The following VEPH1 variants were observed in gnomAD, a reference collection of about 807,000 sequenced individuals.
VEPH1 encodes the protein ventricular zone-expressed PH domain-containing protein homolog 1.
A neutral mutation model predicts 85.2 loss-of-function variants in VEPH1; 80 were observed. The ratio of observed to expected loss-of-function variants is 0.94; its 90% CI spans 0.78 to 1.13. The LOEUF (loss-of-function observed/expected upper bound fraction) is 1.13, where lower values mean the gene tolerates loss of function less well. Ranked by LOEUF, VEPH1 falls within the 50% of genes most tolerant of loss-of-function variation. The probability of loss-of-function intolerance (pLI) is 0.00; values close to 1 mark genes in which losing one functional copy is unlikely to be tolerated. For synonymous variants in VEPH1, 297 were observed against 348.0 expected (o/e 0.85, Z 1.63); for missense variants, 955 against 980.5 (o/e 0.97, Z 0.35).
At chr3:157,320,417 G>A (rs1365535667) in intron 9 of VEPH1, among the ~76,000 whole-genome samples, 1 of 152,152 alleles carries the variant, frequency 6.6e-6, no homozygotes, top group Non-Finnish European at 1.5e-5. Flanking sequence ...AGCACTTTAG[G>A]TGTAGAGAAC....
chr3:157,277,102 G>A (rs1715498221), intron 12 of VEPH1, among the ~76,000 whole-genome samples: 1 of 152,154 alleles, frequency 6.6e-6, no homozygotes, highest in African/African-American at 2.4e-5. Flanking sequence ...TATTGCTTAA[G>A]CTGATCTCCA....
intron 9 of VEPH1, among the ~76,000 whole-genome samples, chr3:157,327,507 G>C (rs1199046918): frequency 1.3e-5 from 2 of 152,110 alleles, no homozygotes; most frequent in African/African-American, 4.8e-5. Flanking sequence ...AAGTGAAAAA[G>C]TAATCATGGA....
chr3:157,396,360 T>C (rs1271502603), intron 6 of VEPH1, among the ~76,000 whole-genome samples: 1 of 152,246 alleles, frequency 6.6e-6, no homozygotes, highest in Non-Finnish European at 1.5e-5. Flanking sequence ...TTTGTGTTGA[T>C]TCCATGTCTT....
intron 9 of VEPH1, among the ~76,000 whole-genome samples, chr3:157,328,943 T>C (rs1012989536): frequency 1.3e-5 from 2 of 152,208 alleles, no homozygotes; most frequent in Non-Finnish European, 2.9e-5. Flanking sequence ...GTAATTTATC[T>C]AAGGTCACAT....
intron 6 of VEPH1, among the ~76,000 whole-genome samples, chr3:157,406,070 A>T (rs1731118407): frequency 6.6e-6 from 1 of 152,176 alleles, no homozygotes; most frequent in African/African-American, 2.4e-5. Context: ...TTTACAGTTA[A>T]CATGTACCCT....
intron 5 of VEPH1, among the ~76,000 whole-genome samples, chr3:157,425,816 G>T (rs1416541526): frequency 6.6e-6 from 1 of 152,156 alleles, no homozygotes; most frequent in Admixed American, 6.5e-5. Context: ...GGATGGGCCA[G>T]GGATGTAATG....
chr3:157,478,099 A>G (rs892286087), intron 2 of VEPH1, among the ~76,000 whole-genome samples: 1 of 152,058 alleles, frequency 6.6e-6, no homozygotes, highest in Middle Eastern at 3.2e-3. Flanking sequence ...TGCCTATAGA[A>G]ATTTTCTGTG....
chr3:157,358,201 T>C (rs1043288616), intron 9 of VEPH1, among the ~76,000 whole-genome samples: 12 of 152,340 alleles, frequency 7.9e-5, no homozygotes, highest in African/African-American at 1.4e-4. Context: ...GTCGCTGTTA[T>C]GTCTGCCTTT....
intron 9 of VEPH1, among the ~76,000 whole-genome samples, chr3:157,347,361 A>G (rs1724342747): frequency 6.6e-6 from 1 of 152,236 alleles, no homozygotes; most frequent in African/African-American, 2.4e-5. Context: ...GTTATTTTTC[A>G]AATAAATAGA....
At chr3:157,318,502 G>T (rs1266035575) in intron 9 of VEPH1, among the ~76,000 whole-genome samples, 2 of 152,054 alleles carry the variant, frequency 1.3e-5, no homozygotes, top group Non-Finnish European at 2.9e-5. Flanking sequence ...CAGCTACTTG[G>T]GGGGCAGAGC....
At chr3:157,319,963 A>G (rs192856577) in intron 9 of VEPH1, among the ~76,000 whole-genome samples, 11 of 152,282 alleles carry the variant, frequency 7.2e-5, no homozygotes, top group African/African-American at 1.7e-4. Flanking sequence ...TCTGGTCTGT[A>G]CCAATATTTT....
intron 11 of VEPH1, among the ~76,000 whole-genome samples, chr3:157,304,019 T>TATATATATATATATATATATA (rs71872669): frequency 0.016 from 854 of 51,816 alleles, 26 homozygotes; most frequent in East Asian, 0.042. Context: ...TCATCTTATA[T>TATATATATATATATATATATA]TTTTTATATA....
intron 9 of VEPH1, among the ~76,000 whole-genome samples, chr3:157,335,002 C>G (rs1267001781): frequency 6.6e-6 from 1 of 152,116 alleles, no homozygotes; most frequent in African/African-American, 2.4e-5. Flanking sequence ...GAGGACAGTG[C>G]TAACTACACT....
At chr3:157,372,714 T>C (rs975206473) in intron 7 of VEPH1, among the ~76,000 whole-genome samples, 8 of 148,944 alleles carry the variant, frequency 5.4e-5, no homozygotes, top group African/African-American at 2.0e-4. Context: ...TAAAGAACTA[T>C]TTTTTTTTTA....
chr3:157,416,767 A>G (rs1731942291), intron 5 of VEPH1, among the ~76,000 whole-genome samples: 1 of 152,124 alleles, frequency 6.6e-6, no homozygotes, highest in Non-Finnish European at 1.5e-5. Context: ...GGAAAGAAAA[A>G]GAAAAAATGA....
chr3:157,354,717 G>T (rs1253813271), intron 9 of VEPH1, among the ~76,000 whole-genome samples: 2 of 152,058 alleles, frequency 1.3e-5, no homozygotes, highest in African/African-American at 2.4e-5. Context: ...TCATCCCACA[G>T]AATAAGTTCC....
intron 13 of VEPH1, among the ~76,000 whole-genome samples, chr3:157,263,581 T>C (rs1298961820): frequency 6.6e-6 from 1 of 152,160 alleles, no homozygotes; most frequent in Non-Finnish European, 1.5e-5. Context: ...CTAAAAAAAT[T>C]TCTTTAAGTT....
chr3:157,331,229 A>G (rs1309250050), intron 9 of VEPH1, among the ~76,000 whole-genome samples: 1 of 152,228 alleles, frequency 6.6e-6, no homozygotes, highest in Admixed American at 6.5e-5. Context: ...TTATTCCCAC[A>G]GGCCACAGTG....
chr3:157,355,804 T>A (rs1328931954), intron 9 of VEPH1, among the ~76,000 whole-genome samples: 1 of 152,220 alleles, frequency 6.6e-6, no homozygotes, highest in African/African-American at 2.4e-5. Context: ...TGTAATATTT[T>A]AATGGCTGCG....
Sources: gnomAD v4.1 joint callset for allele counts (sites outside exome capture counted in the v4.1 genomes callset) on GRCh38, gnomAD v4.1.1 for gene constraint, MANE v1.5 for transcripts, NCBI Gene and HGNC (gene_info 2026-07-23, HGNC 2026-07-21) for gene names.